SOS1: variants seen among roughly 807,000 people sequenced by gnomAD.
SOS1 encodes the protein SOS Ras/Rac guanine nucleotide exchange factor 1, also known as son of sevenless homolog 1.
In SOS1, 25 loss-of-function variants were observed where a neutral mutation model predicts 157.6. The observed-to-expected ratio is 0.16, with a 90% CI of 0.12 to 0.22. The LOEUF (loss-of-function observed/expected upper bound fraction) is 0.22. Ranked by LOEUF, SOS1 falls within the 10% of genes least tolerant of loss-of-function variation. The pLI, the probability that SOS1 is intolerant of heterozygous loss-of-function variation, is 1.00. For missense variants in SOS1, 1,237 were observed against 1,599.1 expected (o/e 0.77, Z 3.86); for synonymous variants, 528 against 534.0 (o/e 0.99, Z 0.16).
intron 2 of SOS1, among the ~76,000 whole-genome samples, chr2:39,061,100 C>T (rs1161098400): frequency 3.3e-5 from 5 of 151,750 alleles, no homozygotes; most frequent in South Asian, 2.1e-4. Context: ...AAGAAAATCT[C>T]GAATGATTTT....
chr2:39,029,349 G>A (rs1670077690), intron 8 of SOS1, among the ~76,000 whole-genome samples: 1 of 152,156 alleles, frequency 6.6e-6, no homozygotes, highest in Non-Finnish European at 1.5e-5. Flanking sequence ...AAATTGGCCA[G>A]GTATAGTGGC....
chr2:39,106,991 G>T (rs78525855), intron 1 of SOS1, among the ~76,000 whole-genome samples: 2 of 152,126 alleles, frequency 1.3e-5, no homozygotes, highest in African/African-American at 4.8e-5. Context: ...TGAATGCAAA[G>T]TTTATATGAT....
At chr2:39,118,749 C>A (rs1673754860) in intron 1 of SOS1, among the ~76,000 whole-genome samples, 1 of 152,148 alleles carries the variant, frequency 6.6e-6, no homozygotes, top group African/African-American at 2.4e-5. Flanking sequence ...GTAATATCTC[C>A]CATTTTCAAA....
chr2:39,045,733 G>A (rs1464044952), intron 6 of SOS1, among the ~76,000 whole-genome samples: 1 of 151,788 alleles, frequency 6.6e-6, no homozygotes, highest in Admixed American at 6.6e-5. Context: ...TTTTTGAGAC[G>A]GAGTCTTGCT....
intron 1 of SOS1, among the ~76,000 whole-genome samples, chr2:39,075,983 T>C (rs1331825094): frequency 1.3e-5 from 2 of 152,182 alleles, no homozygotes; most frequent in Non-Finnish European, 2.9e-5. Flanking sequence ...AGAATGTAAT[T>C]TTACCTTTCC....
rs115550590 is a variant in SOS1, at chr2:39,112,384, G to C, written c.87+7952C>G. ...TTTCCCATGGCTCACTGCAGCATCA[G>C]CCTCCTGAGCTCAAGGGATCCTCCC... On this transcript the variant is annotated intron_variant, in intron 1 of 22. Transcript: ENST00000402219. Among the ~76,000 whole-genome samples, 636 of 152,028 alleles carry C rather than the reference G, an allele frequency of 4.2e-3. 8 individuals are homozygous for C. Among genetic ancestry groups the C allele is most frequent in the African/African-American group, 0.015 (602 of 41,484 alleles).
chr2:39,002,901 C>CA (rs1182524946), intron 17 of SOS1, among the ~76,000 whole-genome samples: 2 of 151,712 alleles, frequency 1.3e-5, no homozygotes, highest in Non-Finnish European at 1.5e-5. Flanking sequence ...CCTGTATCTA[C>CA]AAAAAATAAA....
chr2:39,035,607 G>T, intron 6 of SOS1, 107 bp from the exon 7 acceptor site: 1 of 770,590 alleles, frequency 1.3e-6, no homozygotes, highest in Non-Finnish European at 2.2e-6. Context: ...GTCTTTGAAA[G>T]TCTCTAAGCA....
At chr2:39,045,231 T>TGAGAGAGAGAGG (rs1553360156) in intron 6 of SOS1, among the ~76,000 whole-genome samples, 22 of 61,568 alleles carry the variant, frequency 3.6e-4, no homozygotes, top group South Asian at 1.1e-3. Context: ...TGTGAGGGAA[T>TGAGAGAGAGAGG]GAGAGAGAGA....
intron 1 of SOS1, among the ~76,000 whole-genome samples, chr2:39,102,400 T>C (rs897652370): frequency 2.7e-5 from 4 of 149,526 alleles, no homozygotes; most frequent in African/African-American, 9.8e-5. Context: ...TGGTACACAC[T>C]TGTAGTCCTA....
At chr2:39,032,051 A>G (rs368410871) in intron 8 of SOS1, among the ~76,000 whole-genome samples, 10 of 152,196 alleles carry the variant, frequency 6.6e-5, no homozygotes, top group Admixed American at 6.5e-4. Context: ...TATGGTATAT[A>G]ATAGGATCTT....
chr2:39,045,083 T>C (rs1255505512), intron 6 of SOS1, among the ~76,000 whole-genome samples: 1 of 152,178 alleles, frequency 6.6e-6, no homozygotes, highest in Non-Finnish European at 1.5e-5. Context: ...TAATGTACCC[T>C]GATGTAATGT....
chr2:39,035,120 C>T (rs1670298318), intron 8 of SOS1, 92 bp downstream of exon 8: 2 of 784,446 alleles, frequency 2.5e-6, no homozygotes, highest in Admixed American at 2.1e-5. Flanking sequence ...CACTAATGTG[C>T]AGGGTACTCA....
At chr2:39,022,429 A>G in intron 10 of SOS1, 141 bp downstream of exon 10, 1 of 678,304 alleles carries the variant, frequency 1.5e-6, no homozygotes, top group Non-Finnish European at 2.6e-6. Flanking sequence ...AAAGAAATAT[A>G]AAGTGGGGTA....
intron 17 of SOS1, among the ~76,000 whole-genome samples, chr2:39,003,476 G>T (rs147501986): frequency 4.2e-4 from 64 of 152,172 alleles, no homozygotes; most frequent in African/African-American, 1.5e-3. Flanking sequence ...ATTATGTAAG[G>T]CGTAACATAG....
chr2:39,058,155 T>C (rs1671275305), intron 3 of SOS1, among the ~76,000 whole-genome samples: 1 of 152,084 alleles, frequency 6.6e-6, no homozygotes, highest in African/African-American at 2.4e-5. Context: ...GAAATAGCAT[T>C]ATTCGAGCTT....
At chr2:39,081,698 G>A (rs1352788686) in intron 1 of SOS1, among the ~76,000 whole-genome samples, 6 of 148,942 alleles carry the variant, frequency 4.0e-5, no homozygotes, top group South Asian at 2.1e-4. Flanking sequence ...GGCGGCGGGC[G>A]CCTGTAATCC....
intron 16 of SOS1, 103 bp from the exon 17 acceptor site, chr2:39,006,632 TG>T: frequency 5.4e-6 from 4 of 740,450 alleles, no homozygotes; most frequent in Non-Finnish European, 9.7e-6. Flanking sequence ...AGTATCAATT[TG>T]ATTTTATGAC....
In SOS1 at chr2:39,120,418, T is replaced by A. The variant is rs886056026; in HGVS notation, c.5A>T (p.Gln2Leu). 1.3e-6 allele frequency: 2 copies of A among 1,587,824 alleles called. No homozygotes were observed. Among genetic ancestry groups the A allele is most frequent in the Non-Finnish European group, 1.7e-6 (2 of 1,168,932 alleles). Residue 2 changes from glutamine (Q) to leucine (L), a missense_variant, in exon 1 of 23, where the codon CAG becomes CTG. Physicochemically the swap from Gln to Leu is moderately radical, Grantham distance 113 (BLOSUM62 -2). Coordinates refer to ENST00000402219, the MANE Select transcript of SOS1 (RefSeq NM_005633.4). ...AAACTCGTAGGGCAGCTGCTGCGCC[T>A]GCATGGTGCCCCCGGGGCGCCTCTG... MQAQQLPYEFFS... is the reference protein window; with the variant it reads MLAQQLPYEFFS...
Sources: allele counts gnomAD v4.1 joint callset (sites outside exome capture counted in the v4.1 genomes callset), GRCh38; gene constraint gnomAD v4.1.1; transcripts MANE v1.5; gene names NCBI Gene and HGNC (gene_info 2026-07-23, HGNC 2026-07-21).